The following MRE11 variants were observed in gnomAD, a reference collection of about 807,000 sequenced individuals.
The protein encoded by MRE11 is MRE11 double strand break repair nuclease, also known as double-strand break repair protein MRE11.
MRE11 carries 62 observed loss-of-function variants against 91.7 expected under a neutral mutation model. The observed-to-expected ratio is 0.68, with a 90% CI of 0.55 to 0.84. The LOEUF (loss-of-function observed/expected upper bound fraction) is 0.84. MRE11 is among the 40% of genes least tolerant of loss of function. The pLI, the probability that MRE11 is intolerant of heterozygous loss-of-function variation, is 0.00. For missense variants in MRE11, 796 were observed against 852.9 expected, an observed-to-expected ratio of 0.93 and a Z score of 0.83; for synonymous variants, 273 against 271.4, an observed-to-expected ratio of 1.01 and a Z score of -0.06.
rs186784821 is a variant in MRE11, at chr11:94,417,662, C to G, written c.*2463G>C. The G allele has an allele frequency of 8.6e-6, 2 of 232,918 alleles. No homozygotes were observed. The highest frequency in any genetic ancestry group is 5.6e-5 in the Admixed American group (1 of 17,768). 14.4% of individuals were successfully genotyped at this position (232,918 alleles called of 1,614,324 possible). ...AGGAGAAAACAATATAATGGGCATC[C>G]AGGACACTGCGCTATTTCTTGACCT... On this transcript the variant is annotated 3_prime_UTR_variant, in exon 20 of 20. Transcript: ENST00000323929.
intron 16 of MRE11, among the ~76,000 whole-genome samples, chr11:94,437,953 C>T (rs1945667934): frequency 6.6e-6 from 1 of 151,920 alleles, no homozygotes; most frequent in African/African-American, 2.4e-5. Context: ...GGTGAAACCC[C>T]AACTCTACTA....
chr11:94,436,791 C>T (rs1945630785), intron 17 of MRE11, among the ~76,000 whole-genome samples: 1 of 152,188 alleles, frequency 6.6e-6, no homozygotes, highest in Non-Finnish European at 1.5e-5. Context: ...AGTCTAGCAA[C>T]AGCTGTTAAG....
intron 6 of MRE11, among the ~76,000 whole-genome samples, chr11:94,477,042 T>C (rs951988506): frequency 6.6e-6 from 1 of 152,322 alleles, no homozygotes; most frequent in African/African-American, 2.4e-5. Flanking sequence ...TTGATAACAG[T>C]AGTTAGTTGC....
intron 19 of MRE11, among the ~76,000 whole-genome samples, chr11:94,428,839 G>A (rs1174592574): frequency 6.6e-6 from 1 of 151,830 alleles, no homozygotes; most frequent in Non-Finnish European, 1.5e-5. Flanking sequence ...CTCCAGCCCA[G>A]GCAACAAGAG....
intron 18 of MRE11, among the ~76,000 whole-genome samples, chr11:94,434,398 T>C (rs1945544649): frequency 6.6e-6 from 1 of 152,078 alleles, no homozygotes; most frequent in Non-Finnish European, 1.5e-5. Flanking sequence ...GACTCAACCA[T>C]ACCCAAAAAA....
chr11:94,422,523 T>C (rs1945199121), intron 19 of MRE11, among the ~76,000 whole-genome samples: 3 of 150,098 alleles, frequency 2.0e-5, no homozygotes, highest in Admixed American at 2.0e-4. Context: ...TTTCTCCAAA[T>C]ATAAGTAAAT....
At chr11:94,453,297 C>T (rs1463458212) in intron 14 of MRE11, among the ~76,000 whole-genome samples, 1 of 152,144 alleles carries the variant, frequency 6.6e-6, no homozygotes, top group Non-Finnish European at 1.5e-5. Flanking sequence ...CACTGATGTA[C>T]AAATAAGTTC....
In MRE11 at chr11:94,419,934, A is replaced by C; in HGVS notation, c.*191T>G. On this transcript the variant is annotated 3_prime_UTR_variant, in exon 20 of 20. Coordinates refer to ENST00000323929, the MANE Select transcript of MRE11 (RefSeq NM_005591.4). ...TTACTCAAGAGTGATATTGAAACAA[A>C]GCTCTTACTACAACAACCAGGTTAA... 2.2e-6 allele frequency: 1 copy of C among 454,300 alleles called. No homozygotes were observed. The allele number at this position is 454,300 out of a possible 1,614,324, so 28.1% of individuals were successfully genotyped here.
intron 11 of MRE11, among the ~76,000 whole-genome samples, chr11:94,461,566 A>G (rs1470642547): frequency 6.6e-6 from 1 of 152,236 alleles, no homozygotes; most frequent in African/African-American, 2.4e-5. Context: ...GGCACAAGAC[A>G]GGGATGCCCT....
At chr11:94,474,040 T>G (rs1946787014) in intron 7 of MRE11, among the ~76,000 whole-genome samples, 1 of 152,140 alleles carries the variant, frequency 6.6e-6, no homozygotes. Flanking sequence ...CATGGGTTAC[T>G]ATATACACAT....
intron 7 of MRE11, 37 bp from the exon 8 acceptor site, chr11:94,471,796 T>A: frequency 1.3e-6 from 2 of 1,518,776 alleles, no homozygotes; most frequent in Non-Finnish European, 1.8e-6. Flanking sequence ...ATTCGGTGAT[T>A]AGAAAAATTT....
the MRE11 span, among the ~76,000 whole-genome samples, chr11:94,512,258 C>G: frequency 6.6e-6 from 1 of 152,210 alleles, no homozygotes; most frequent in African/African-American, 2.4e-5. Flanking sequence ...AATAGTAAAG[C>G]CTCTCTTGCC....
At chr11:94,432,160 T>C (rs13447720) in intron 18 of MRE11, among the ~76,000 whole-genome samples, 26,048 of 152,182 alleles carry the variant, frequency 0.17, 2,642 homozygotes, top group East Asian at 0.23. Flanking sequence ...AAAGGAGTCC[T>C]GTTAAATACA....
rs146376807 is a variant in MRE11, at chr11:94,422,816, C to T, written c.2071-2635G>A. Among the ~76,000 whole-genome samples the T allele has an allele frequency of 2.5e-3, 381 of 152,026 alleles. 2 individuals carry two copies. Among genetic ancestry groups the T allele is most frequent in the African/African-American group, 8.8e-3 (365 of 41,450 alleles). On this transcript the variant is annotated intron_variant, in intron 19 of 19. Transcript: ENST00000323929. ...GCAACCTCCACTTCCCAGGTTCAAG[C>T]GATTCTCCTGCCTCAGCCTCCTGAG...
At chr11:94,463,491 T>C (rs979080010) in intron 11 of MRE11, among the ~76,000 whole-genome samples, 4 of 152,234 alleles carry the variant, frequency 2.6e-5, no homozygotes, top group African/African-American at 9.6e-5. Context: ...CATGTGTTTA[T>C]TGTGGCACTA....
chr11:94,442,118 A>G (rs914908323), intron 16 of MRE11, among the ~76,000 whole-genome samples: 1 of 152,150 alleles, frequency 6.6e-6, no homozygotes, highest in Non-Finnish European at 1.5e-5. Context: ...TCAGAAGGAG[A>G]ATAAGAATAG....
At chr11:94,457,746 A>G (rs1394660409) in intron 13 of MRE11, among the ~76,000 whole-genome samples, 1 of 152,128 alleles carries the variant, frequency 6.6e-6, no homozygotes, top group African/African-American at 2.4e-5. Context: ...AGATGAGGAT[A>G]CTGAGGGATA....
chr11:94,457,856 TTC>T (rs1721642474), intron 13 of MRE11, among the ~76,000 whole-genome samples: 1 of 127,214 alleles, frequency 7.9e-6, no homozygotes, highest in Admixed American at 8.2e-5. Flanking sequence ...CACACACTCT[TTC>T]TCTTTCTCTC....
At chr11:94,453,338 G>A (rs1278347132) in intron 14 of MRE11, among the ~76,000 whole-genome samples, 2 of 152,174 alleles carry the variant, frequency 1.3e-5, no homozygotes, top group Admixed American at 6.5e-5. Context: ...TATGTACCTA[G>A]AAGTGAAATT....
Sources: gnomAD v4.1 joint callset for allele counts (sites outside exome capture counted in the v4.1 genomes callset) on GRCh38, gnomAD v4.1.1 for gene constraint, MANE v1.5 for transcripts, NCBI Gene and HGNC (gene_info 2026-07-23, HGNC 2026-07-21) for gene names.